The following HEPHL1 variants were observed in gnomAD, a reference collection of about 807,000 sequenced individuals.
The protein encoded by HEPHL1 is hephaestin like 1.
HEPHL1 carries 123 observed loss-of-function variants against 122.0 expected under a neutral mutation model. The ratio of observed to expected loss-of-function variants is 1.01; its 90% CI spans 0.87 to 1.17. The LOEUF is 1.17. Among genes scored for constraint, HEPHL1 ranks in the 50% most tolerant of loss-of-function variants. HEPHL1 has a pLI of 0.00. For synonymous variants in HEPHL1, 527 were observed against 508.9 expected (o/e 1.04, Z -0.48); for missense variants, 1,452 against 1,430.5 (o/e 1.01, Z -0.24).
chr11:94,086,255 T>A (rs943407150), intron 11 of HEPHL1, 66 bp downstream of exon 11: 13 of 1,217,144 alleles, frequency 1.1e-5, no homozygotes, highest in Non-Finnish European at 1.2e-5. Context: ...CTTAGAGTTC[T>A]CCCACAGAAG....
chr11:94,093,971 G>GATAGATAGATAGATAGATATAT (rs71036310), intron 13 of HEPHL1, among the ~76,000 whole-genome samples: 1 of 72,742 alleles, frequency 1.4e-5, no homozygotes, highest in African/African-American at 4.9e-5. Flanking sequence ...TCCTCCAGCA[G>GATAGATAGATAGATAGATATAT]ATATATATAT....
At chr11:94,022,020 T>C (rs1243030660) in intron 1 of HEPHL1, among the ~76,000 whole-genome samples, 2 of 152,202 alleles carry the variant, frequency 1.3e-5, no homozygotes, top group East Asian at 1.9e-4. Context: ...TCACAGGAGA[T>C]TTGCCTGCTA....
intron 9 of HEPHL1, among the ~76,000 whole-genome samples, chr11:94,081,177 G>A (rs1028154701): frequency 5.9e-5 from 9 of 152,070 alleles, no homozygotes; most frequent in South Asian, 2.1e-4. Context: ...CATTATCTTC[G>A]GCAAACTAAA....
At chr11:94,036,770 C>T (rs1469067568) in intron 1 of HEPHL1, among the ~76,000 whole-genome samples, 23 of 142,436 alleles carry the variant, frequency 1.6e-4, no homozygotes, top group South Asian at 6.8e-4. Flanking sequence ...ACCCGGAAGG[C>T]GGAGGTTGCA....
At chr11:94,093,935 A>G (rs193159344) in intron 13 of HEPHL1, among the ~76,000 whole-genome samples, 44 of 138,230 alleles carry the variant, frequency 3.2e-4, no homozygotes, top group Non-Finnish European at 1.4e-4. Flanking sequence ...CAACCCCTAT[A>G]CTGAGCCAGG....
intron 2 of HEPHL1, among the ~76,000 whole-genome samples, chr11:94,063,072 C>T (rs1945999652): frequency 7.0e-6 from 1 of 142,298 alleles, no homozygotes; most frequent in Non-Finnish European, 1.6e-5. Context: ...TCCTATCTCT[C>T]ATGAGACCTA....
intron 1 of HEPHL1, among the ~76,000 whole-genome samples, chr11:94,035,706 C>G (rs1358380266): frequency 6.6e-6 from 1 of 152,076 alleles, no homozygotes; most frequent in Non-Finnish European, 1.5e-5. Flanking sequence ...TCCTGTTGGT[C>G]CCCCTCCAGA....
In HEPHL1 at chr11:94,059,039, A is replaced by G. The variant is rs1052337762; in HGVS notation, c.416-4469A>G. On this transcript the variant is annotated intron_variant, in intron 2 of 19. Transcript: ENST00000315765. ...AAGAAGAAAAGTTAAAGCCCTGCTCACTTGTCTTTCACTCCAAAGGCAATA... is the reference window on the plus strand; with the variant it reads ...AAGAAGAAAAGTTAAAGCCCTGCTCGCTTGTCTTTCACTCCAAAGGCAATA... 2.0e-5 allele frequency among the ~76,000 whole-genome samples: 3 copies of G among 152,324 alleles called. No individual in the cohort carries two copies. The East Asian group carries it at 5.8e-4, about 29-fold the overall frequency.
At position 94,067,751 on chromosome 11, in the gene HEPHL1, G is replaced by A; in HGVS notation, c.1063+1G>A. 3 of 1,613,054 alleles carry A rather than the reference G, an allele frequency of 1.9e-6. No individual in the cohort carries two copies. Among genetic ancestry groups the A allele is most frequent in the Admixed American group, 1.7e-5 (1 of 59,946 alleles). ...TGCCAGGTCAGCGACCACCTACAAG[G>A]TAAAAAGGATAAAGACCAGAGTTGA... On this transcript the variant is annotated splice_donor_variant, in intron 5 of 19. Transcript: ENST00000315765. LOFTEE classifies it high-confidence loss of function.
At chr11:94,103,099 G>A (rs1263689255) in intron 15 of HEPHL1, 79 bp downstream of exon 15, 22 of 818,774 alleles carry the variant, frequency 2.7e-5, no homozygotes, top group Non-Finnish European at 4.3e-5. Context: ...AATTTGGGTT[G>A]GTATATGTGA....
At chr11:94,078,629 G>A (rs1487333075) in intron 9 of HEPHL1, among the ~76,000 whole-genome samples, 1 of 151,880 alleles carries the variant, frequency 6.6e-6, no homozygotes, top group Non-Finnish European at 1.5e-5. Flanking sequence ...TGACAGGCTC[G>A]AGAACCAGGA....
chr11:94,031,331 TACAC>T (rs3058474), intron 1 of HEPHL1, among the ~76,000 whole-genome samples: 24,975 of 144,374 alleles, frequency 0.17, 2,164 homozygotes, highest in African/African-American at 0.22. Context: ...TGTGCATTGT[TACAC>T]ACACACACAC....
At chr11:94,033,832 A>G (rs1945697040) in intron 1 of HEPHL1, among the ~76,000 whole-genome samples, 1 of 152,214 alleles carries the variant, frequency 6.6e-6, no homozygotes, top group Non-Finnish European at 1.5e-5. Context: ...ATTGTCTTCA[A>G]TGAGCTCACA....
intron 2 of HEPHL1, among the ~76,000 whole-genome samples, chr11:94,049,220 T>C (rs1284208322): frequency 6.6e-6 from 1 of 151,844 alleles, no homozygotes; most frequent in Non-Finnish European, 1.5e-5. Context: ...AAAAAAATGC[T>C]CAACATCACT....
At chr11:94,056,716 T>C (rs1406100506) in intron 2 of HEPHL1, among the ~76,000 whole-genome samples, 1 of 151,994 alleles carries the variant, frequency 6.6e-6, no homozygotes, top group Non-Finnish European at 1.5e-5. Flanking sequence ...TATAATGCCC[T>C]TCTCTAAATA....
chr11:94,086,233 C>G, intron 11 of HEPHL1, 44 bp downstream of exon 11: 1 of 1,422,784 alleles, frequency 7.0e-7, no homozygotes, highest in Non-Finnish European at 9.7e-7. Context: ...TTTCTACCTT[C>G]AGGCTCATCC....
intron 1 of HEPHL1, among the ~76,000 whole-genome samples, chr11:94,025,244 A>G (rs528396219): frequency 5.3e-5 from 8 of 152,178 alleles, no homozygotes; most frequent in Non-Finnish European, 8.8e-5. Flanking sequence ...GTTAGATTCT[A>G]TTTAGAAATA....
chr11:94,045,717 G>A lies in HEPHL1; in HGVS notation c.215G>A (p.Ser72Asn), dbSNP rs757198049. ...FLERGPNRIG[S>N]IYKKAVYRRF... is the part of the protein sequence containing the mutation. ...GAAAGAGGGCCCAACAGGATAGGCAGTATTTACAAAAAGGCTGTTTACAGA... is the reference window on the plus strand; with the variant it reads ...GAAAGAGGGCCCAACAGGATAGGCAATATTTACAAAAAGGCTGTTTACAGA... The change falls in exon 2 of 20, where the codon AGT becomes AAT. Residue 72 changes from serine (S) to asparagine (N), a missense_variant. Coordinates refer to ENST00000315765, the MANE Select transcript of HEPHL1 (RefSeq NM_001098672.2). The A allele has an allele frequency of 1.6e-5, 26 of 1,612,654 alleles. No homozygotes were observed. The East Asian group carries it at 5.1e-4, about 32-fold the overall frequency.
intron 11 of HEPHL1, 123 bp downstream of exon 11, chr11:94,086,312 G>GATT (rs1429898614): frequency 1.4e-6 from 1 of 698,060 alleles, no homozygotes; most frequent in Non-Finnish European, 2.4e-6. Flanking sequence ...AATAGATATA[G>GATT]TCTTGATTAG....
Sources: gnomAD v4.1 joint callset for allele counts (sites outside exome capture counted in the v4.1 genomes callset) on GRCh38, gnomAD v4.1.1 for gene constraint, MANE v1.5 for transcripts, NCBI Gene and HGNC (gene_info 2026-07-23, HGNC 2026-07-21) for gene names.